EYA4: variants seen among roughly 807,000 people sequenced by gnomAD.
EYA4 encodes the protein EYA transcriptional coactivator and phosphatase 4.
A neutral mutation model predicts 87.9 loss-of-function variants in EYA4; 31 were observed. That is an observed-to-expected ratio of 0.35 (90% confidence interval 0.27 to 0.48). The LOEUF is 0.48. Among genes scored for constraint, EYA4 ranks in the 20% least tolerant of loss-of-function variants. The pLI is 0.99. For synonymous variants in EYA4, 263 were observed against 270.6 expected (o/e 0.97, Z 0.28); for missense variants, 678 against 761.4 (o/e 0.89, Z 1.29).
intron 2 of EYA4, among the ~76,000 whole-genome samples, chr6:133,305,184 C>T (rs1302768573): frequency 5.3e-5 from 8 of 152,024 alleles, no homozygotes; most frequent in African/African-American, 1.9e-4. Flanking sequence ...AAAGTTGGGG[C>T]AGTGGGAGTT....
At chr6:133,279,541 C>G (rs1292825001) in intron 2 of EYA4, among the ~76,000 whole-genome samples, 1 of 151,950 alleles carries the variant, frequency 6.6e-6, no homozygotes, top group African/African-American at 2.4e-5. Context: ...TTCAGTAATA[C>G]TTTTGGAAAT....
intron 2 of EYA4, chr6:133,325,510 CATT>C (rs1241629505): frequency 2.0e-5 from 3 of 152,154 alleles, no homozygotes; most frequent in Non-Finnish European, 2.9e-5. Flanking sequence ...TTAGTATCAG[CATT>C]ATTATTGTTG....
chr6:133,390,703 T>C (rs988944043), intron 3 of EYA4, among the ~76,000 whole-genome samples: 1 of 152,228 alleles, frequency 6.6e-6, no homozygotes, highest in Non-Finnish European at 1.5e-5. Context: ...ATTTCCTACA[T>C]GTATCATAGA....
chr6:133,524,987 G>A (rs770327153), intron 18 of EYA4, 167 bp from the exon 19 acceptor site: 46 of 1,573,862 alleles, frequency 2.9e-5, no homozygotes, highest in Non-Finnish European at 3.9e-5. Context: ...GCAGTGGCTG[G>A]AAGAATAAGC....
chr6:133,333,245 T>G (rs1782118176), intron 2 of EYA4, among the ~76,000 whole-genome samples: 1 of 152,218 alleles, frequency 6.6e-6, no homozygotes, highest in Admixed American at 6.5e-5. Context: ...ATAGTATTCC[T>G]TAATGAATAC....
intron 2 of EYA4, among the ~76,000 whole-genome samples, chr6:133,338,896 A>G (rs952653895): frequency 1.3e-5 from 2 of 152,088 alleles, no homozygotes; most frequent in Non-Finnish European, 2.9e-5. Context: ...ATTATGTACT[A>G]AAAATATAAA....
chr6:133,381,712 A>G (rs1786241441), intron 2 of EYA4, among the ~76,000 whole-genome samples: 1 of 152,150 alleles, frequency 6.6e-6, no homozygotes, highest in South Asian at 2.1e-4. Context: ...AAGTGCTTGA[A>G]GTGCAATTGT....
Position 133,462,321 on chromosome 6 carries a change from T to C in EYA4, c.438-14T>C. On this transcript the variant is annotated splice_polypyrimidine_tract_variant and intron_variant, in intron 7 of 19. Coordinates refer to ENST00000355286, the MANE Select transcript of EYA4 (RefSeq NM_004100.5). ...TCTTTGTTGCCACAGTAATGCTATT[T>C]TTCTGATATTTAGGCCCTATCCACA... 2 of 1,613,848 alleles carry C rather than the reference T, an allele frequency of 1.2e-6. No homozygotes were observed. The highest frequency in any genetic ancestry group is 1.7e-6 in the Non-Finnish European group (2 of 1,179,772).
chr6:133,492,355 A>G (rs1170545270), intron 13 of EYA4, among the ~76,000 whole-genome samples: 2 of 152,258 alleles, frequency 1.3e-5, no homozygotes, highest in Non-Finnish European at 2.9e-5. Flanking sequence ...TGAAACACAT[A>G]AAGATTATTT....
chr6:133,436,201 C>G (rs758383512), intron 3 of EYA4, among the ~76,000 whole-genome samples: 19 of 150,162 alleles, frequency 1.3e-4, no homozygotes, highest in Non-Finnish European at 2.7e-4. Flanking sequence ...CTCTGGGCGA[C>G]AGAGCAAGAC....
At chr6:133,323,372 T>A (rs1781246664) in intron 2 of EYA4, among the ~76,000 whole-genome samples, 1 of 152,068 alleles carries the variant, frequency 6.6e-6, no homozygotes, top group African/African-American at 2.4e-5. Flanking sequence ...TTGCCTAGGT[T>A]TCTAAGTTTG....
intron 3 of EYA4, among the ~76,000 whole-genome samples, chr6:133,437,824 T>A (rs1470146378): frequency 6.6e-6 from 1 of 152,182 alleles, no homozygotes; most frequent in East Asian, 1.9e-4. Flanking sequence ...GAGAATAGCA[T>A]GGGGGAGACC....
rs141402032 is a variant in EYA4, at chr6:133,504,537, G to C, written c.1192-1569G>C. 1.8e-3 allele frequency among the ~76,000 whole-genome samples: 274 copies of C among 152,272 alleles called. 1 individual carries two copies. Among genetic ancestry groups the C allele is most frequent in the Non-Finnish European group, 2.6e-3 (179 of 68,018 alleles). On this transcript the variant is annotated intron_variant, in intron 13 of 19. Coordinates refer to ENST00000355286, the MANE Select transcript of EYA4 (RefSeq NM_004100.5). ...CTCTATCTTCACTCACATCGTCTTA[G>C]TTTAGCTCTCATACCCCAGTGACCC...
intron 13 of EYA4, among the ~76,000 whole-genome samples, chr6:133,484,541 C>G (rs904773386): frequency 3.9e-5 from 6 of 152,140 alleles, no homozygotes; most frequent in African/African-American, 1.4e-4. Context: ...GTGTTAGCCC[C>G]TTTATCACAA....
chr6:133,266,203 C>G lies in EYA4; in HGVS notation c.-65-8513C>G, dbSNP rs77763093. On this transcript the variant is annotated intron_variant, in intron 1 of 19. Transcript: ENST00000355286. ...TACTGGATTAGGATGGGTCCTAATA[C>G]AATGACTGTTGTACTTAAGAGGAAA... Among the ~76,000 whole-genome samples the G allele has an allele frequency of 2.8e-4, 43 of 152,270 alleles. No homozygotes were observed. In the East Asian group the frequency reaches 7.0e-3, roughly 25 times the overall value.
intron 3 of EYA4, among the ~76,000 whole-genome samples, chr6:133,403,529 C>T (rs959865424): frequency 6.6e-6 from 1 of 152,164 alleles, no homozygotes; most frequent in Non-Finnish European, 1.5e-5. Flanking sequence ...AGATAGTACA[C>T]ATAGTATATA....
At chr6:133,454,211 T>C (rs1212446600) in intron 5 of EYA4, among the ~76,000 whole-genome samples, 4 of 152,190 alleles carry the variant, frequency 2.6e-5, no homozygotes, top group Non-Finnish European at 5.9e-5. Context: ...TTCGTAGATA[T>C]AGATATGCAT....
chr6:133,466,031 A>T (rs1162071552), intron 10 of EYA4, among the ~76,000 whole-genome samples: 5 of 152,124 alleles, frequency 3.3e-5, no homozygotes, highest in African/African-American at 1.2e-4. Flanking sequence ...TTTATTGAGC[A>T]CTTGCTATAT....
chr6:133,408,668 T>C (rs1293034102), intron 3 of EYA4, among the ~76,000 whole-genome samples: 3 of 152,178 alleles, frequency 2.0e-5, no homozygotes, highest in Admixed American at 1.3e-4. Flanking sequence ...ATAATAACAA[T>C]ATCTACCTCA....
Sources: allele counts gnomAD v4.1 joint callset (sites outside exome capture counted in the v4.1 genomes callset), GRCh38; gene constraint gnomAD v4.1.1; transcripts MANE v1.5; gene names NCBI Gene and HGNC (gene_info 2026-07-23, HGNC 2026-07-21).